Variants in FBXO28 observed in about 807,000 individuals in gnomAD.
FBXO28 encodes the protein F-box protein 28.
Under a neutral mutation model 38.1 loss-of-function variants are expected in FBXO28, and 8 were observed. The observed-to-expected ratio is 0.21, with a 90% confidence interval of 0.12 to 0.38. The LOEUF is 0.38. Ranked by LOEUF, FBXO28 falls within the 10% of genes least tolerant of loss-of-function variation. The pLI, the probability that FBXO28 is intolerant of heterozygous loss-of-function variation, is 1.00. For synonymous variants in FBXO28, 168 were observed against 173.8 expected, an observed-to-expected ratio of 0.97 and a Z score of 0.26; for missense variants, 345 against 460.6, an observed-to-expected ratio of 0.75 and a Z score of 2.30.
intron 2 of FBXO28, among the ~76,000 whole-genome samples, chr1:224,131,714 A>G (rs12026341): frequency 1.3e-5 from 2 of 152,326 alleles, no homozygotes; most frequent in East Asian, 3.9e-4. Context: ...ACTATACTAT[A>G]TAACCCTTAG....
rs1201758477 is a variant in FBXO28 at position 224,161,240 on chromosome 1, TTTTAA to T, written c.*3501_*3505del. On this transcript the variant is annotated 3_prime_UTR_variant, in exon 5 of 5. Coordinates refer to ENST00000366862, the MANE Select transcript of FBXO28 (RefSeq NM_015176.4). ...ATTGTCTATTTCCAACATTATATAATTTTAATTTAATGTAATGTAAATCTCATACT... is the reference window on the plus strand; with the variant it reads ...ATTGTCTATTTCCAACATTATATAATTTTAATGTAATGTAAATCTCATACT... 2.0e-5 allele frequency: 3 copies of T among 151,802 alleles called. No individual in the cohort carries two copies. Among genetic ancestry groups the T allele is most frequent in the Non-Finnish European group, 4.4e-5 (3 of 67,886 alleles). 9.4% of individuals were successfully genotyped at this position (151,802 alleles called of 1,614,324 possible).
At chr1:224,139,393 A>G (rs61827701) in intron 3 of FBXO28, among the ~76,000 whole-genome samples, 18,134 of 151,722 alleles carry the variant, frequency 0.12, 1,341 homozygotes, top group Admixed American at 0.17. Flanking sequence ...CATATAGCTT[A>G]TTTGCAAATC....
chr1:224,127,166 GTGTGTGTGTGTGTGTGTA>G (rs1233064931), intron 1 of FBXO28, among the ~76,000 whole-genome samples: 5 of 43,422 alleles, frequency 1.2e-4, no homozygotes, highest in African/African-American at 1.9e-4. Flanking sequence ...TAAAGTATTT[GTGTGTGTGTGTGTGTGTA>G]TGTGTGTGTG....
rs1247407004 is a variant in FBXO28 at position 224,159,061 on chromosome 1, G to A, written c.*1315G>A. ...TGTACAGTGGTTATTTTCCCCAGTTGTATAGTTTTGAGACATTCAATTATC... is the reference window on the plus strand; with the variant it reads ...TGTACAGTGGTTATTTTCCCCAGTTATATAGTTTTGAGACATTCAATTATC... On this transcript the variant is annotated 3_prime_UTR_variant, in exon 5 of 5. Coordinates refer to ENST00000366862, the MANE Select transcript of FBXO28 (RefSeq NM_015176.4). 6.6e-6 allele frequency: 1 copy of A among 152,526 alleles called. No individual in the cohort carries two copies. Among genetic ancestry groups the A allele is most frequent in the African/African-American group, 2.4e-5 (1 of 41,418 alleles). The allele number at this position is 152,526 out of a possible 1,614,324, so 9.4% of individuals were successfully genotyped here. A position where few individuals can be genotyped will look rare whatever the true frequency, so the allele number is the denominator to read the frequency against.
rs939717980 is a variant in FBXO28 at position 224,153,059 on chromosome 1, A to G, written c.517-83A>G. 5.6e-6 allele frequency: 6 copies of G among 1,076,712 alleles called. No homozygotes were observed. In the African/African-American group the frequency reaches 8.1e-5, roughly 14 times the overall value. 66.7% of individuals were successfully genotyped at this position (1,076,712 alleles called of 1,614,324 possible). On this transcript the variant is annotated intron_variant, in intron 3 of 4. Transcript: ENST00000366862. ...AGGTCTTTACTGGAATTGCAAAACA[A>G]GCAGTTACTTCTCTGCCTGTTTAGC...
chr1:224,138,640 C>T (rs1180711243), intron 3 of FBXO28, among the ~76,000 whole-genome samples: 1 of 151,912 alleles, frequency 6.6e-6, no homozygotes, highest in Non-Finnish European at 1.5e-5. Context: ...TATACTGACA[C>T]ACAACCGTAT....
intron 1 of FBXO28, 37 bp from the exon 2 acceptor site, chr1:224,130,435 T>G: frequency 7.6e-7 from 1 of 1,314,310 alleles, no homozygotes; most frequent in Non-Finnish European, 1.1e-6. Flanking sequence ...CTCTTATTAA[T>G]TTGGTTATTG....
At chr1:224,133,999 T>A (rs1657118644) in intron 2 of FBXO28, 75 bp from the exon 3 acceptor site, 1 of 1,104,594 alleles carries the variant, frequency 9.1e-7, no homozygotes, top group African/African-American at 1.6e-5. Flanking sequence ...CATTAAGCCA[T>A]CTTGATTGCT....
chr1:224,156,702 A>C (rs1657781090), intron 4 of FBXO28, among the ~76,000 whole-genome samples: 1 of 152,186 alleles, frequency 6.6e-6, no homozygotes, highest in African/African-American at 2.4e-5. Context: ...AATTAGATAG[A>C]AAATAATTAT....
intron 2 of FBXO28, among the ~76,000 whole-genome samples, chr1:224,133,741 C>T (rs1657110464): frequency 6.6e-6 from 1 of 151,924 alleles, no homozygotes; most frequent in African/African-American, 2.4e-5. Flanking sequence ...AAACTCCTGA[C>T]CTCAGGTGAT....
intron 4 of FBXO28, among the ~76,000 whole-genome samples, chr1:224,156,474 T>G (rs753709536): frequency 1.3e-5 from 2 of 152,194 alleles, no homozygotes; most frequent in Non-Finnish European, 2.9e-5. Context: ...TGTTTCAGAT[T>G]TCGGCTTTTT....
At chr1:224,126,887 T>A (rs1572009210) in intron 1 of FBXO28, among the ~76,000 whole-genome samples, 1 of 152,234 alleles carries the variant, frequency 6.6e-6, no homozygotes, top group East Asian at 1.9e-4. Flanking sequence ...CCAGTTTTTA[T>A]TCCCCAGAGG....
intron 3 of FBXO28, among the ~76,000 whole-genome samples, chr1:224,151,111 A>G (rs546780158): frequency 3.3e-5 from 5 of 152,298 alleles, no homozygotes; most frequent in African/African-American, 1.2e-4. Context: ...ATCTTCTTCT[A>G]AAGTGAGCTC....
chr1:224,147,043 C>T (rs1456739264), intron 3 of FBXO28, among the ~76,000 whole-genome samples: 1 of 151,666 alleles, frequency 6.6e-6, no homozygotes, highest in African/African-American at 2.4e-5. Context: ...GCTCTGTATT[C>T]GTGGGTTCCA....
intron 1 of FBXO28, among the ~76,000 whole-genome samples, chr1:224,123,613 A>G (rs1165720663): frequency 6.6e-6 from 1 of 151,926 alleles, no homozygotes; most frequent in African/African-American, 2.4e-5. Context: ...TTAAGTTGGT[A>G]GCATGTCTCA....
intron 2 of FBXO28, 126 bp from the exon 3 acceptor site, chr1:224,133,948 C>A (rs1295294587): frequency 1.6e-6 from 1 of 617,054 alleles, no homozygotes; most frequent in African/African-American, 1.9e-5. Flanking sequence ...TAAATTATGA[C>A]CCAACTGTAG....
At chr1:224,135,807 C>T (rs1224153591) in intron 3 of FBXO28, among the ~76,000 whole-genome samples, 5 of 151,856 alleles carry the variant, frequency 3.3e-5, no homozygotes, top group African/African-American at 4.8e-5. Flanking sequence ...GAGGCCGAGA[C>T]GGGCAGATCA....
At position 224,159,729 on chromosome 1, in the gene FBXO28, A is replaced by C. The variant is rs1657855418; in HGVS notation, c.*1983A>C. ...GAAGACTTTTTTTTTTACGTATCAA[A>C]GCATGTGTTTACAGATTTACAGAGT... On this transcript the variant is annotated 3_prime_UTR_variant, in exon 5 of 5. Transcript: ENST00000366862. The C allele has an allele frequency of 6.6e-6, 1 of 152,114 alleles. No homozygotes were observed. The highest frequency in any genetic ancestry group is 2.1e-4 in the South Asian group (1 of 4,828). 9.4% of individuals were successfully genotyped at this position (152,114 alleles called of 1,614,324 possible). A position where few individuals can be genotyped will look rare whatever the true frequency, so the allele number is the denominator to read the frequency against.
In FBXO28 at chr1:224,158,452, T is replaced by C. The variant is rs1432219071; in HGVS notation, c.*706T>C. ...CTAGTCAACTCACTTAAAAAGCTCT[T>C]GCACTGGTATTGATCTTGAACCTCT... On this transcript the variant is annotated 3_prime_UTR_variant, in exon 5 of 5. Coordinates refer to ENST00000366862, the MANE Select transcript of FBXO28 (RefSeq NM_015176.4). The C allele has an allele frequency of 2.6e-5, 4 of 154,860 alleles. No individual in the cohort carries two copies. Among genetic ancestry groups the C allele is most frequent in the Admixed American group, 6.5e-5 (1 of 15,270 alleles). The allele number at this position is 154,860 out of a possible 1,614,324, so 9.6% of individuals were successfully genotyped here.
Sources: allele counts gnomAD v4.1 joint callset (sites outside exome capture counted in the v4.1 genomes callset), GRCh38; gene constraint gnomAD v4.1.1; transcripts MANE v1.5; gene names NCBI Gene and HGNC (gene_info 2026-07-23, HGNC 2026-07-21).